The following GPR107 variants were observed in gnomAD, a reference collection of about 807,000 sequenced individuals.
GPR107 encodes the protein G protein-coupled receptor 107.
A neutral mutation model predicts 75.5 loss-of-function variants in GPR107; 31 were observed. The observed-to-expected ratio is 0.41, with a 90% CI of 0.31 to 0.55. GPR107 has a LOEUF of 0.55. GPR107 is among the 20% of genes least tolerant of loss of function. GPR107 has a pLI of 0.26. For synonymous variants in GPR107, 267 were observed against 251.3 expected (o/e 1.06, Z -0.59); for missense variants, 572 against 665.7 (o/e 0.86, Z 1.55).
intron 1 of GPR107, among the ~76,000 whole-genome samples, chr9:130,060,379 A>C (rs778306951): frequency 6.8e-6 from 1 of 147,364 alleles, no homozygotes; most frequent in Non-Finnish European, 1.5e-5. Flanking sequence ...TTTCTTATTA[A>C]TGGAATAAAA....
chr9:130,071,324 G>A (rs948457495), intron 1 of GPR107, among the ~76,000 whole-genome samples: 12 of 150,732 alleles, frequency 8.0e-5, no homozygotes, highest in Admixed American at 2.7e-4. Flanking sequence ...ACCTCGCCTG[G>A]CCCCTCACCC....
At chr9:130,083,788 G>T (rs931088981) in intron 6 of GPR107, among the ~76,000 whole-genome samples, 186 bp downstream of exon 6, 3 of 151,960 alleles carry the variant, frequency 2.0e-5, no homozygotes, top group African/African-American at 7.3e-5. Flanking sequence ...ATCAAAATCA[G>T]TAGATGCTCA....
intron 14 of GPR107, among the ~76,000 whole-genome samples, chr9:130,109,398 T>G (rs1440997970): frequency 6.6e-6 from 1 of 152,140 alleles, no homozygotes; most frequent in Non-Finnish European, 1.5e-5. Flanking sequence ...CTCGAACTCC[T>G]GACCTCAAGT....
intron 14 of GPR107, among the ~76,000 whole-genome samples, chr9:130,119,522 C>G (rs561646998): frequency 5.3e-5 from 8 of 152,186 alleles, no homozygotes; most frequent in African/African-American, 1.7e-4. Context: ...GTGAAGAAAC[C>G]GAGGCTCAGA....
At chr9:130,099,862 C>A (rs1015063995) in intron 10 of GPR107, among the ~76,000 whole-genome samples, 4 of 136,016 alleles carry the variant, frequency 2.9e-5, no homozygotes, top group Non-Finnish European at 6.4e-5. Flanking sequence ...TGACTTGTTT[C>A]CACGACTTTT....
chr9:130,088,695 CTG>C (rs1421841997), intron 7 of GPR107, among the ~76,000 whole-genome samples: 4 of 152,140 alleles, frequency 2.6e-5, no homozygotes, highest in Non-Finnish European at 5.9e-5. Context: ...CAATGAGAAA[CTG>C]TGCTCAGAGA....
intron 1 of GPR107, among the ~76,000 whole-genome samples, chr9:130,054,303 G>A (rs1191780202): frequency 6.6e-6 from 1 of 152,230 alleles, no homozygotes; most frequent in Non-Finnish European, 1.5e-5. Flanking sequence ...GGGAGGGGAA[G>A]GGGCTGAACT....
intron 1 of GPR107, among the ~76,000 whole-genome samples, chr9:130,060,496 G>C (rs1279322088): frequency 7.0e-6 from 1 of 142,436 alleles, no homozygotes; most frequent in Non-Finnish European, 1.5e-5. Flanking sequence ...CATAGTGCAC[G>C]ATAGCCTCCA....
chr9:130,076,117 T>C (rs1830344398), intron 2 of GPR107, among the ~76,000 whole-genome samples: 1 of 152,180 alleles, frequency 6.6e-6, no homozygotes, highest in Non-Finnish European at 1.5e-5. Flanking sequence ...AGAGTCACCT[T>C]CCAACCCCAA....
chr9:130,056,924 CAAAAAAAAAAAAAAA>C lies in GPR107; in HGVS notation c.141+2864_141+2878del, dbSNP rs11442007. Among the ~76,000 whole-genome samples the C allele has an allele frequency of 2.1e-4, 9 of 42,896 alleles. No homozygotes were observed. The East Asian group carries it at 4.3e-3, about 20-fold the overall frequency. 28.1% of individuals were successfully genotyped at this position (42,896 alleles called of 152,430 possible). On this transcript the variant is annotated intron_variant, in intron 1 of 17. Transcript: ENST00000347136. ...TGGGTGACAGAGCGAGACTCCTTCT[CAAAAAAAAAAAAAAA>C]AAAAAAAAAAAAGAAAGTTCACAAA...
intron 1 of GPR107, among the ~76,000 whole-genome samples, chr9:130,071,142 C>T (rs1366846041): frequency 7.1e-6 from 1 of 139,894 alleles, no homozygotes; most frequent in African/African-American, 2.6e-5. Context: ...CTAAAGCAAT[C>T]GTCCCACTTC....
intron 14 of GPR107, among the ~76,000 whole-genome samples, chr9:130,124,481 A>AC (rs923210168): frequency 1.2e-4 from 18 of 151,378 alleles, no homozygotes; most frequent in East Asian, 3.9e-4. Flanking sequence ...CTAGTGGGAG[A>AC]CCCCCCCAGG....
chr9:130,063,475 C>T (rs1829982528), intron 1 of GPR107, among the ~76,000 whole-genome samples: 1 of 152,198 alleles, frequency 6.6e-6, no homozygotes, highest in Non-Finnish European at 1.5e-5. Context: ...CAGGCATGAG[C>T]CACCGTACCC....
At chr9:130,130,691 G>A (rs1191249278) in intron 17 of GPR107, among the ~76,000 whole-genome samples, 1 of 152,056 alleles carries the variant, frequency 6.6e-6, no homozygotes, top group African/African-American at 2.4e-5. Flanking sequence ...CCAACATGGT[G>A]AAACCCCATC....
At chr9:130,070,860 T>C (rs927521125) in intron 1 of GPR107, among the ~76,000 whole-genome samples, 4 of 151,306 alleles carry the variant, frequency 2.6e-5, no homozygotes, top group African/African-American at 9.7e-5. Flanking sequence ...GTGGCTACAG[T>C]TGCATGCCAC....
intron 13 of GPR107, among the ~76,000 whole-genome samples, chr9:130,105,621 C>T (rs1360536800): frequency 6.6e-6 from 1 of 151,854 alleles, no homozygotes; most frequent in Non-Finnish European, 1.5e-5. Flanking sequence ...TGGGGTTTGT[C>T]AGTTACTCTC....
rs752343059 is a variant in GPR107 at position 130,100,711 on chromosome 9, G to A, written c.1013+9G>A. On this transcript the variant is annotated intron_variant, in intron 11 of 17. Transcript: ENST00000347136. ...TACTACATAACTCACCTGTAAGTATGCAGGTCCATGTGAAATACACCATGA... is the reference window on the plus strand; with the variant it reads ...TACTACATAACTCACCTGTAAGTATACAGGTCCATGTGAAATACACCATGA... 4 of 1,579,176 alleles carry A rather than the reference G, an allele frequency of 2.5e-6. 1 individual carries two copies. The East Asian group carries it at 8.9e-5, about 35-fold the overall frequency.
intron 1 of GPR107, among the ~76,000 whole-genome samples, chr9:130,068,423 C>G (rs889155162): frequency 1.3e-5 from 1 of 78,964 alleles, no homozygotes; most frequent in East Asian, 4.0e-4. Context: ...GCAACTGATT[C>G]AAATTTAAAA....
intron 9 of GPR107, among the ~76,000 whole-genome samples, chr9:130,096,595 G>A (rs1283095090): frequency 6.6e-6 from 1 of 151,048 alleles, no homozygotes; most frequent in East Asian, 1.9e-4. Context: ...AGCCTCCCGA[G>A]TAGCTGGGAC....
Sources: gnomAD v4.1 joint callset for allele counts (sites outside exome capture counted in the v4.1 genomes callset) on GRCh38, gnomAD v4.1.1 for gene constraint, MANE v1.5 for transcripts, NCBI Gene and HGNC (gene_info 2026-07-23, HGNC 2026-07-21) for gene names.